ATF7: variants seen among roughly 807,000 people sequenced by gnomAD.
The protein encoded by ATF7 is cyclic AMP-dependent transcription factor ATF-7.
A neutral mutation model predicts 50.4 loss-of-function variants in ATF7; 10 were observed. The observed-to-expected ratio is 0.20, with a 90% CI of 0.12 to 0.34. ATF7 has a LOEUF of 0.34. Among genes scored for constraint, ATF7 ranks in the 10% least tolerant of loss-of-function variants. The pLI is 1.00. For missense variants in ATF7, 465 were observed against 613.9 expected (o/e 0.76, Z 2.56); for synonymous variants, 201 against 226.4 (o/e 0.89, Z 1.01).
intron 2 of ATF7, among the ~76,000 whole-genome samples, chr12:53,585,110 C>A (rs1305418933): frequency 6.6e-6 from 1 of 152,072 alleles, no homozygotes; most frequent in Non-Finnish European, 1.5e-5. Context: ...ATAGCTGGGA[C>A]TACAGGTGCA....
chr12:53,510,125 T>G (rs888105191), downstream of ATF7, among the ~76,000 whole-genome samples: 5 of 151,610 alleles, frequency 3.3e-5, no homozygotes, highest in African/African-American at 1.2e-4. Context: ...CCACAACATC[T>G]GCCTCCCAGG....
At position 53,531,847 on chromosome 12, in the gene ATF7, C is replaced by T. The variant is rs762053427; in HGVS notation, c.824G>A (p.Cys275Tyr). The T allele has an allele frequency of 6.2e-6, 10 of 1,613,664 alleles. No homozygotes were observed. In the South Asian group the frequency reaches 7.7e-5, roughly 12 times the overall value. Residue 275 changes from cysteine (C) to tyrosine (Y), a missense_variant, in exon 9 of 12, where the codon TGT becomes TAT. Cys to Tyr is a radical substitution (Grantham distance 194). Transcript: ENST00000420353. ...GCTGGCAGTACCCACCACCATTCCACAACCACCATTGATTGAGGAGACTTG... is the reference window on the plus strand; with the variant it reads ...GCTGGCAGTACCCACCACCATTCCATAACCACCATTGATTGAGGAGACTTG... ...THQVSSINGG[C>Y]GMVVGTASTM...
chr12:53,544,283 C>G (rs991181200), intron 3 of ATF7, among the ~76,000 whole-genome samples: 1 of 152,180 alleles, frequency 6.6e-6, no homozygotes, highest in East Asian at 1.9e-4. Flanking sequence ...CCCTCCCAAT[C>G]CTGCTTTTTT....
At chr12:53,528,283 G>A (rs1003856540) in intron 9 of ATF7, among the ~76,000 whole-genome samples, 2 of 152,222 alleles carry the variant, frequency 1.3e-5, no homozygotes, top group African/African-American at 4.8e-5. Flanking sequence ...TAATTCTCCT[G>A]AGAATTTCGG....
At chr12:53,553,548 C>T (rs552819996) in intron 2 of ATF7, among the ~76,000 whole-genome samples, 2 of 152,258 alleles carry the variant, frequency 1.3e-5, no homozygotes, top group African/African-American at 4.8e-5. Context: ...ATAATTTATG[C>T]TCCTACCCCT....
At chr12:53,622,447 C>A (rs1350941065) in intron 1 of ATF7, among the ~76,000 whole-genome samples, 1 of 151,768 alleles carries the variant, frequency 6.6e-6, no homozygotes, top group Admixed American at 6.6e-5. Flanking sequence ...GGTGAAACTC[C>A]GTCTCTACTA....
chr12:53,547,846 G>A lies in ATF7; in HGVS notation c.146-4398C>T, dbSNP rs890719195. 3.3e-5 allele frequency among the ~76,000 whole-genome samples: 5 copies of A among 151,980 alleles called. 1 individual carries two copies. Among genetic ancestry groups the A allele is most frequent in the Admixed American group, 3.3e-4 (5 of 15,236 alleles). On this transcript the variant is annotated intron_variant, in intron 3 of 11. Coordinates refer to ENST00000420353, the MANE Select transcript of ATF7 (RefSeq NM_006856.3). Reference sequence around the variant, plus strand: ...CTCACTCTGTTATCCAGGCTGGAGTGCAGTGGTGTGATTATAGCTATGTAT... The same window carrying A: ...CTCACTCTGTTATCCAGGCTGGAGTACAGTGGTGTGATTATAGCTATGTAT...
At chr12:53,527,387 T>C (rs1938542530) in intron 9 of ATF7, among the ~76,000 whole-genome samples, 2 of 150,080 alleles carry the variant, frequency 1.3e-5, no homozygotes, top group African/African-American at 4.9e-5. Context: ...GAGGCTCTAG[T>C]GGGAGGATCA....
intron 2 of ATF7, among the ~76,000 whole-genome samples, chr12:53,556,785 C>T (rs909261309): frequency 2.6e-5 from 4 of 152,080 alleles, no homozygotes; most frequent in Admixed American, 6.6e-5. Flanking sequence ...GTGCTTGGTA[C>T]GCCCTTACTC....
chr12:53,587,062 C>A (rs1266624439), intron 2 of ATF7, among the ~76,000 whole-genome samples: 1 of 152,144 alleles, frequency 6.6e-6, no homozygotes, highest in Non-Finnish European at 1.5e-5. Context: ...TACAATGAAT[C>A]ATCAGAATCA....
intron 1 of ATF7, among the ~76,000 whole-genome samples, chr12:53,617,598 C>A (rs1393556133): frequency 6.6e-6 from 1 of 152,066 alleles, no homozygotes; most frequent in Non-Finnish European, 1.5e-5. Flanking sequence ...CACTGCACTC[C>A]AGCCTGGGTG....
rs941707615 is a variant in ATF7 at position 53,515,589 on chromosome 12, G to A, written c.*1548C>T. 5 of 152,140 alleles carry A rather than the reference G, an allele frequency of 3.3e-5. No homozygotes were observed. The highest frequency in any genetic ancestry group is 7.3e-5 in the Non-Finnish European group (5 of 68,030). The allele number at this position is 152,140 out of a possible 1,614,324, so 9.4% of individuals were successfully genotyped here. A position where few individuals can be genotyped will look rare whatever the true frequency, so the allele number is the denominator to read the frequency against. ...CCAAGGGGAGATGAGAAGCCTTAAC[G>A]TGGAAGAGGGACAAGAGAGATGAAT... On this transcript the variant is annotated 3_prime_UTR_variant, in exon 12 of 12. Coordinates refer to ENST00000420353, the MANE Select transcript of ATF7 (RefSeq NM_006856.3).
downstream of ATF7, among the ~76,000 whole-genome samples, chr12:53,511,331 C>T (rs1013319785): frequency 1.3e-5 from 2 of 152,166 alleles, no homozygotes; most frequent in African/African-American, 4.8e-5. Context: ...TTACTGCAAC[C>T]TCTGCCTCCC....
chr12:53,561,419 AG>A (rs1941106017), intron 2 of ATF7, among the ~76,000 whole-genome samples: 1 of 152,024 alleles, frequency 6.6e-6, no homozygotes, highest in Non-Finnish European at 1.5e-5. Flanking sequence ...GAGCAGGTGA[AG>A]GAAGAAATAA....
chr12:53,563,815 C>T (rs932262345), intron 2 of ATF7, among the ~76,000 whole-genome samples: 1 of 152,226 alleles, frequency 6.6e-6, no homozygotes, highest in Non-Finnish European at 1.5e-5. Flanking sequence ...CAGACCTTAA[C>T]ATGGCACACT....
intron 9 of ATF7, among the ~76,000 whole-genome samples, chr12:53,530,575 T>TA (rs1487252540): frequency 6.6e-6 from 1 of 151,736 alleles, no homozygotes; most frequent in African/African-American, 2.4e-5. Flanking sequence ...TATATTTTTT[T>TA]ATTTTTATTT....
chr12:53,611,296 C>G (rs1354298949), intron 1 of ATF7, among the ~76,000 whole-genome samples: 4 of 151,984 alleles, frequency 2.6e-5, no homozygotes, highest in Non-Finnish European at 5.9e-5. Context: ...TGGTGAAACC[C>G]CGTCTCTACC....
chr12:53,562,494 T>G (rs1199465021), intron 2 of ATF7, among the ~76,000 whole-genome samples: 1 of 151,910 alleles, frequency 6.6e-6, no homozygotes, highest in Non-Finnish European at 1.5e-5. Context: ...ATACAAAAAA[T>G]TAGCTGGGTG....
intron 2 of ATF7, among the ~76,000 whole-genome samples, chr12:53,569,720 G>T: frequency 6.6e-6 from 1 of 151,718 alleles, no homozygotes. Context: ...TGTCGCCCAG[G>T]CTGGAGTGCA....
Sources: gnomAD v4.1 joint callset for allele counts (sites outside exome capture counted in the v4.1 genomes callset) on GRCh38, gnomAD v4.1.1 for gene constraint, MANE v1.5 for transcripts, NCBI Gene and HGNC (gene_info 2026-07-23, HGNC 2026-07-21) for gene names.